The following SERPINB7 variants were observed in gnomAD, a reference collection of about 807,000 sequenced individuals.
SERPINB7 encodes the protein serpin B7.
A neutral mutation model predicts 37.4 loss-of-function variants in SERPINB7; 31 were observed. The ratio of observed to expected loss-of-function variants is 0.83; its 90% confidence interval spans 0.62 to 1.12. The LOEUF (loss-of-function observed/expected upper bound fraction) is 1.12. SERPINB7 is among the 50% of genes most tolerant of loss of function. SERPINB7 has a pLI of 0.00. For missense variants in SERPINB7, 521 were observed against 455.3 expected, an observed-to-expected ratio of 1.14 and a Z score of -1.31; for synonymous variants, 163 against 166.1, an observed-to-expected ratio of 0.98 and a Z score of 0.14.
chr18:63,768,269 T>G (rs1292421569), intron 1 of SERPINB7, among the ~76,000 whole-genome samples: 2 of 152,048 alleles, frequency 1.3e-5, no homozygotes, highest in Non-Finnish European at 2.9e-5. Flanking sequence ...GTTCTTCATT[T>G]TTTTTTATTC....
chr18:63,777,334 C>A (rs1344298232), intron 1 of SERPINB7, among the ~76,000 whole-genome samples: 1 of 152,044 alleles, frequency 6.6e-6, no homozygotes, highest in Non-Finnish European at 1.5e-5. Context: ...TGCTACTCCT[C>A]TATGACAGTT....
intron 7 of SERPINB7, among the ~76,000 whole-genome samples, chr18:63,801,833 A>G (rs1256158391): frequency 6.6e-6 from 1 of 152,186 alleles, no homozygotes; most frequent in Non-Finnish European, 1.5e-5. Flanking sequence ...TAGTGATAGT[A>G]TCTACAAGAG....
At chr18:63,800,831 G>A (rs980266942) in intron 6 of SERPINB7, 35 bp from the exon 7 acceptor site, 2 of 1,607,504 alleles carry the variant, frequency 1.2e-6, no homozygotes, top group African/African-American at 1.3e-5. Flanking sequence ...AAATGAGGTG[G>A]GATCATAAAT....
intron 1 of SERPINB7, among the ~76,000 whole-genome samples, chr18:63,767,752 C>G (rs1218259464): frequency 6.6e-6 from 1 of 151,974 alleles, no homozygotes; most frequent in Non-Finnish European, 1.5e-5. Flanking sequence ...GGTGTTATCT[C>G]TTCTCTGAAT....
intron 1 of SERPINB7, among the ~76,000 whole-genome samples, chr18:63,778,458 AATG>A (rs1568205462): frequency 2.0e-5 from 3 of 152,130 alleles, no homozygotes. Context: ...TTTAAAAAAT[AATG>A]TGTCATGAAC....
chr18:63,793,550 A>T (rs1468131300), intron 4 of SERPINB7, among the ~76,000 whole-genome samples: 1 of 152,176 alleles, frequency 6.6e-6, no homozygotes, highest in Non-Finnish European at 1.5e-5. Context: ...AATGGAATGG[A>T]GGAGCAGTCA....
rs2049594343 is a variant in SERPINB7 at position 63,805,121 on chromosome 18, G to T, written c.*486G>T. 1 of 154,686 alleles carries T rather than the reference G, an allele frequency of 6.5e-6. No individual in the cohort carries two copies. Among genetic ancestry groups the T allele is most frequent in the South Asian group, 2.0e-4 (1 of 4,990 alleles). The allele number at this position is 154,686 out of a possible 1,614,324, so 9.6% of individuals were successfully genotyped here. A position where few individuals can be genotyped will look rare whatever the true frequency, so the allele number is the denominator to read the frequency against. ...TTTTAGAGTTTACCTTCATATGTTT[G>T]ATTTTAAATCAGTGTATAATCTAGA... On this transcript the variant is annotated 3_prime_UTR_variant, in exon 8 of 8. Transcript: ENST00000398019.
chr18:63,783,262 GA>G (rs1555694219), intron 2 of SERPINB7, among the ~76,000 whole-genome samples: 2 of 148,102 alleles, frequency 1.4e-5, no homozygotes, highest in African/African-American at 5.1e-5. Context: ...AAGAAAGAAA[GA>G]AAGAAAGAAA....
chr18:63,792,823 T>A (rs548218880), intron 3 of SERPINB7, among the ~76,000 whole-genome samples: 1 of 152,368 alleles, frequency 6.6e-6, no homozygotes, highest in East Asian at 1.9e-4. Context: ...ATTGGCCATA[T>A]TTGGGCAAGA....
intron 1 of SERPINB7, among the ~76,000 whole-genome samples, chr18:63,777,202 C>T (rs558876340): frequency 3.1e-4 from 47 of 151,912 alleles, no homozygotes; most frequent in Non-Finnish European, 6.5e-4. Context: ...GCAACACACA[C>T]ATATATATAT....
At chr18:63,778,873 C>A (rs563945665) in intron 1 of SERPINB7, among the ~76,000 whole-genome samples, 1 of 152,064 alleles carries the variant, frequency 6.6e-6, no homozygotes, top group Non-Finnish European at 1.5e-5. Flanking sequence ...TCCATGAGTA[C>A]GTGCTAATTT....
intron 1 of SERPINB7, among the ~76,000 whole-genome samples, chr18:63,778,364 A>T (rs2049270783): frequency 6.6e-6 from 1 of 152,166 alleles, no homozygotes; most frequent in South Asian, 2.1e-4. Flanking sequence ...TGACTTATTG[A>T]TAAGAATAAA....
At chr18:63,791,909 C>A (rs1015170764) in intron 2 of SERPINB7, among the ~76,000 whole-genome samples, 22 of 152,118 alleles carry the variant, frequency 1.4e-4, no homozygotes, top group African/African-American at 5.3e-4. Flanking sequence ...CGCACCCGGC[C>A]AGTCCACAGG....
intron 1 of SERPINB7, among the ~76,000 whole-genome samples, chr18:63,755,362 CAA>C (rs2049116112): frequency 6.6e-6 from 1 of 151,984 alleles, no homozygotes; most frequent in Admixed American, 6.5e-5. Context: ...TATGAGAAGT[CAA>C]GAGCAATTTT....
At chr18:63,773,180 A>G (rs2049221496), upstream of SERPINB7, among the ~76,000 whole-genome samples, 1 of 152,118 alleles carries the variant, frequency 6.6e-6, no homozygotes. Context: ...CAATTAAGCC[A>G]TGGAACTTGC....
chr18:63,765,396 T>A (rs956892265), intron 1 of SERPINB7, among the ~76,000 whole-genome samples: 1 of 152,182 alleles, frequency 6.6e-6, no homozygotes, highest in Non-Finnish European at 1.5e-5. Context: ...TCTGGCCTAG[T>A]CTGTTCAAAT....
chr18:63,795,469 G>A (rs573386215), intron 4 of SERPINB7, among the ~76,000 whole-genome samples: 2 of 151,900 alleles, frequency 1.3e-5, no homozygotes, highest in Admixed American at 1.3e-4. Context: ...GCTGAGGCAG[G>A]AGAATCACTT....
intron 6 of SERPINB7, among the ~76,000 whole-genome samples, chr18:63,799,191 T>C (rs960313509): frequency 2.0e-5 from 3 of 152,358 alleles, no homozygotes. Flanking sequence ...AGTAAAGTTA[T>C]GCATTTCCAA....
chr18:63,758,676 G>GTCTCT (rs1264759205), intron 1 of SERPINB7, among the ~76,000 whole-genome samples: 1 of 152,130 alleles, frequency 6.6e-6, no homozygotes, highest in Non-Finnish European at 1.5e-5. Context: ...TATTATCTGG[G>GTCTCT]TCTCTGCTAT....
Sources: gnomAD v4.1 joint callset for allele counts (sites outside exome capture counted in the v4.1 genomes callset) on GRCh38, gnomAD v4.1.1 for gene constraint, MANE v1.5 for transcripts, NCBI Gene and HGNC (gene_info 2026-07-23, HGNC 2026-07-21) for gene names.